Variants in NUP58 observed in about 807,000 individuals in gnomAD.
NUP58 encodes nucleoporin p58/p45.
In NUP58, 17 loss-of-function variants were observed where a neutral mutation model predicts 70.1. That is an observed-to-expected ratio of 0.24 (90% CI 0.17 to 0.36). The LOEUF (loss-of-function observed/expected upper bound fraction) is 0.36, where lower values mean the gene tolerates loss of function less well. Among genes scored for constraint, NUP58 ranks in the 10% least tolerant of loss-of-function variants. NUP58 has a pLI of 1.00. For synonymous variants in NUP58, 275 were observed against 257.6 expected (o/e 1.07, Z -0.65); for missense variants, 644 against 701.5 (o/e 0.92, Z 0.93).
In NUP58 at chr13:25,325,297, C is replaced by T. The variant is rs369002232; in HGVS notation, c.1031+229C>T. Among the ~76,000 whole-genome samples, 4 of 152,098 alleles carry T rather than the reference C, an allele frequency of 2.6e-5. No individual in the cohort carries two copies. The East Asian group carries it at 5.8e-4, about 22-fold the overall frequency. ...AGATCTGAGCTTTTCACCACTATTA[C>T]GCATTTATACTTCATGTACATATTA... On this transcript the variant is annotated intron_variant, in intron 10 of 15. Coordinates refer to ENST00000381736, the MANE Select transcript of NUP58 (RefSeq NM_014089.4).
chr13:25,317,529 G>GT (rs1458555030), intron 6 of NUP58, among the ~76,000 whole-genome samples: 2 of 151,810 alleles, frequency 1.3e-5, no homozygotes, highest in Non-Finnish European at 2.9e-5. Flanking sequence ...ACAGGCTCAA[G>GT]TTTTTTTTAT....
At chr13:25,322,572 A>G (rs1437998850) in intron 9 of NUP58, among the ~76,000 whole-genome samples, 4 of 152,234 alleles carry the variant, frequency 2.6e-5, no homozygotes, top group Admixed American at 2.6e-4. Flanking sequence ...ACTTCATTTC[A>G]TGTACAAAAT....
At chr13:25,325,150 T>TAG in intron 10 of NUP58, 82 bp downstream of exon 10, 1 of 962,768 alleles carries the variant, frequency 1.0e-6, no homozygotes, top group Non-Finnish European at 1.6e-6. Context: ...ACTAAATATT[T>TAG]TTAGTATACT....
Position 25,315,453 on chromosome 13 carries a change from C to T in NUP58, c.671C>T (p.Ser224Phe). 6.2e-7 allele frequency: 1 copy of T among 1,610,070 alleles called. No homozygotes were observed. The highest frequency in any genetic ancestry group is 8.5e-7 in the Non-Finnish European group (1 of 1,176,654). Residue 224 changes from serine (S) to phenylalanine (F), a missense_variant, in exon 6 of 16, where the codon TCC (serine) becomes TTC (phenylalanine). Physicochemically the swap from Ser to Phe is radical, Grantham distance 155. Around this residue, in one of 4 missense-constraint regions of NUP58, gnomAD observed 430 missense variants for 409.2 expected, o/e 1.05. Coordinates refer to ENST00000381736, the MANE Select transcript of NUP58 (RefSeq NM_014089.4). Reference sequence around the variant, plus strand: ...CTTGGTGGTATAGATTTCAGTAGCTCCTCAGATAAAAAGAGTAAGTAATGC... The same window carrying T: ...CTTGGTGGTATAGATTTCAGTAGCTTCTCAGATAAAAAGAGTAAGTAATGC... ...EGLGGIDFSS[S>F]SDKKSDKTGT...
rs1008564985 is a variant in NUP58 at position 25,315,483 on chromosome 13, G to T, written c.685+16G>T. The T allele has an allele frequency of 1.3e-6, 2 of 1,534,432 alleles. No individual in the cohort carries two copies. Among genetic ancestry groups the T allele is most frequent in the African/African-American group, 2.7e-5 (2 of 73,090 alleles). On this transcript the variant is annotated intron_variant, in intron 6 of 15. Coordinates refer to ENST00000381736, the MANE Select transcript of NUP58 (RefSeq NM_014089.4). ...GATAAAAAGAGTAAGTAATGCTGTTGTAACTTTATGTTTTAACAGTTCTGT... is the reference window on the plus strand; with the variant it reads ...GATAAAAAGAGTAAGTAATGCTGTTTTAACTTTATGTTTTAACAGTTCTGT...
downstream of NUP58, among the ~76,000 whole-genome samples, chr13:25,342,748 A>G (rs2031990386): frequency 6.6e-6 from 1 of 152,138 alleles, no homozygotes; most frequent in Non-Finnish European, 1.5e-5. Flanking sequence ...TATGTCTTAA[A>G]AGAATATATA....
intron 15 of NUP58, 50 bp downstream of exon 15, chr13:25,338,781 T>C (rs776966912): frequency 4.1e-6 from 6 of 1,477,022 alleles, no homozygotes. Flanking sequence ...GTGTAAATTA[T>C]TTAATTTAAA....
At chr13:25,344,870 C>G (rs911822620), downstream of NUP58, among the ~76,000 whole-genome samples, 3 of 151,978 alleles carry the variant, frequency 2.0e-5, no homozygotes, top group Non-Finnish European at 4.4e-5. Context: ...ATAGTAAATC[C>G]GAGTTAATGT....
intron 11 of NUP58, 46 bp from the exon 12 acceptor site, chr13:25,327,384 T>C: frequency 8.3e-7 from 1 of 1,209,862 alleles, no homozygotes; most frequent in Non-Finnish European, 1.2e-6. Context: ...TGGATTGTGC[T>C]ATATATATGT....
At chr13:25,348,318 C>A (rs1236990016) in intron 3 of NUP58, among the ~76,000 whole-genome samples, 1 of 152,104 alleles carries the variant, frequency 6.6e-6, no homozygotes, top group South Asian at 2.1e-4. Context: ...AAAATTCACA[C>A]TGGATTTTGA....
chr13:25,307,148 T>C (rs756482660), intron 1 of NUP58, among the ~76,000 whole-genome samples: 4 of 152,048 alleles, frequency 2.6e-5, no homozygotes, highest in Non-Finnish European at 2.9e-5. Flanking sequence ...TCCCTACTTA[T>C]GATTACCTTG....
intron 3 of NUP58, among the ~76,000 whole-genome samples, chr13:25,310,463 AC>A (rs1234877427): frequency 7.9e-6 from 1 of 125,862 alleles, no homozygotes; most frequent in Non-Finnish European, 1.6e-5. Context: ...CAGGTGATCC[AC>A]CCGCCTTGGC....
chr13:25,332,420 A>G, intron 13 of NUP58: 2 of 984,744 alleles, frequency 2.0e-6, no homozygotes, highest in Non-Finnish European at 2.4e-6. Context: ...AAATAGTCTT[A>G]ATCGATATTG....
intron 12 of NUP58, among the ~76,000 whole-genome samples, chr13:25,328,215 A>G (rs1183037392): frequency 2.0e-5 from 3 of 151,948 alleles, no homozygotes; most frequent in African/African-American, 7.2e-5. Context: ...AAAGAAAATA[A>G]GCATTCTTAG....
chr13:25,320,396 A>T, intron 7 of NUP58, 134 bp from the exon 8 acceptor site: 1 of 583,416 alleles, frequency 1.7e-6, no homozygotes, highest in South Asian at 2.3e-5. Flanking sequence ...AGAGCTTTGA[A>T]ATCATCCAGA....
chr13:25,307,616 CAT>C (rs201345601), intron 1 of NUP58, among the ~76,000 whole-genome samples, 188 bp from the exon 2 acceptor site: 2 of 152,036 alleles, frequency 1.3e-5, no homozygotes, highest in East Asian at 3.8e-4. Context: ...AGAACAGAAA[CAT>C]ATTTGAACTT....
downstream of NUP58, among the ~76,000 whole-genome samples, chr13:25,347,348 G>A (rs1331309849): frequency 6.6e-6 from 1 of 152,172 alleles, no homozygotes; most frequent in Non-Finnish European, 1.5e-5. Flanking sequence ...ACATTGGCCA[G>A]CACCTAGTCA....
intron 1 of NUP58, among the ~76,000 whole-genome samples, chr13:25,304,440 T>G (rs1437907897): frequency 6.8e-6 from 1 of 146,492 alleles, no homozygotes; most frequent in Admixed American, 6.8e-5. Context: ...ACTTTCATTA[T>G]GTAATACTTC....
chr13:25,308,707 A>T (rs2030505177), intron 2 of NUP58, among the ~76,000 whole-genome samples: 1 of 152,214 alleles, frequency 6.6e-6, no homozygotes, highest in African/African-American at 2.4e-5. Context: ...TTTCAAAACA[A>T]TAGAAAGTTT....
Sources: allele counts gnomAD v4.1 joint callset (sites outside exome capture counted in the v4.1 genomes callset), GRCh38; gene constraint gnomAD v4.1.1; regional missense constraint gnomAD v4.1.1; transcripts MANE v1.5; gene names NCBI Gene and HGNC (gene_info 2026-07-23, HGNC 2026-07-21).